The following SMYD2 variants were observed in gnomAD, a reference collection of about 807,000 sequenced individuals.
SMYD2 encodes SET and MYND domain containing 2, also known as N-lysine methyltransferase SMYD2.
In SMYD2, 53 loss-of-function variants were observed where a neutral mutation model predicts 59.1. The ratio of observed to expected loss-of-function variants is 0.90; its 90% CI spans 0.72 to 1.13. The LOEUF is 1.13. Ranked by LOEUF, SMYD2 falls within the 50% of genes most tolerant of loss-of-function variation. The pLI, the probability that SMYD2 is intolerant of heterozygous loss-of-function variation, is 0.00. For missense variants in SMYD2, 494 were observed against 544.7 expected (o/e 0.91, Z 0.93); for synonymous variants, 208 against 198.8 (o/e 1.05, Z -0.39).
At chr1:214,300,578 A>C (rs1239450468) in intron 1 of SMYD2, among the ~76,000 whole-genome samples, 10 of 152,174 alleles carry the variant, frequency 6.6e-5, no homozygotes, top group Admixed American at 4.6e-4. Flanking sequence ...GACCAGAGTA[A>C]AGCATGCCTC....
intron 5 of SMYD2, 24 bp from the exon 6 acceptor site, chr1:214,324,617 C>G (rs749875569): frequency 6.3e-7 from 1 of 1,584,866 alleles, no homozygotes; most frequent in South Asian, 1.2e-5. Flanking sequence ...CATTTTTTTC[C>G]TTTCTCCCTT....
chr1:214,311,162 A>G, intron 2 of SMYD2, among the ~76,000 whole-genome samples: 1 of 152,220 alleles, frequency 6.6e-6, no homozygotes, highest in East Asian at 1.9e-4. Context: ...TTGAAGTCAA[A>G]GACTTCATCT....
Position 214,322,950 on chromosome 1 carries a change from A to G in SMYD2, c.535-1691A>G, listed in dbSNP as rs372655721. Among the ~76,000 whole-genome samples the G allele has an allele frequency of 1.7e-3, 256 of 152,278 alleles. 14 individuals carry two copies. The South Asian group carries it at 0.048, about 29-fold the overall frequency. Reference sequence around the variant, plus strand: ...TTTACAAAGCCCATCTGTTGGCCTGAATTGTAACAGTGCAGTGTCCCCAAG... The same window carrying G: ...TTTACAAAGCCCATCTGTTGGCCTGGATTGTAACAGTGCAGTGTCCCCAAG... On this transcript the variant is annotated intron_variant, in intron 5 of 11. Coordinates refer to ENST00000366957, the MANE Select transcript of SMYD2 (RefSeq NM_020197.3).
chr1:214,299,465 T>TTTTATATATATATATATATATA (rs1553254477), intron 1 of SMYD2, among the ~76,000 whole-genome samples: 2 of 71,612 alleles, frequency 2.8e-5, no homozygotes, highest in Non-Finnish European at 5.9e-5. Context: ...AAAGAAAACA[T>TTTTATATATATATATATATATA]TATATATATA....
intron 11 of SMYD2, 121 bp downstream of exon 11, chr1:214,334,429 C>G: frequency 1.1e-6 from 1 of 894,986 alleles, no homozygotes; most frequent in Non-Finnish European, 1.8e-6. Flanking sequence ...CTCACCCACC[C>G]TCTTGCCGTG....
rs769869041 is a variant in SMYD2 at position 214,324,711 on chromosome 1, A to G, written c.602+3A>G. On this transcript the variant is annotated splice_donor_region_variant and intron_variant, in intron 6 of 11. Transcript: ENST00000366957. ...TTGGGATCAGCGATATTTCCTGAGT[A>G]GGCTGTGTTTGACTTCATTTCTTTC... is the stretch of plus-strand genomic sequence containing the variant. The G allele has an allele frequency of 6.2e-7, 1 of 1,610,644 alleles. No homozygotes were observed. Among genetic ancestry groups the G allele is most frequent in the South Asian group, 1.1e-5 (1 of 89,998 alleles).
intron 2 of SMYD2, among the ~76,000 whole-genome samples, chr1:214,310,032 T>A (rs1408894324): frequency 1.3e-5 from 2 of 152,202 alleles, no homozygotes; most frequent in African/African-American, 2.4e-5. Context: ...AGGCTGTGTT[T>A]GTTGTTAGAA....
intron 2 of SMYD2, among the ~76,000 whole-genome samples, chr1:214,306,137 G>C (rs887176136): frequency 6.6e-6 from 1 of 152,012 alleles, no homozygotes; most frequent in Admixed American, 6.6e-5. Flanking sequence ...GCTGTTAAAG[G>C]GTGGCTCTAC....
At chr1:214,287,864 A>G (rs1038459161) in intron 1 of SMYD2, among the ~76,000 whole-genome samples, 1 of 152,236 alleles carries the variant, frequency 6.6e-6, no homozygotes, top group Non-Finnish European at 1.5e-5. Flanking sequence ...TCCACATTGC[A>G]AGGATATCAG....
intron 5 of SMYD2, among the ~76,000 whole-genome samples, chr1:214,323,250 G>C (rs918633397): frequency 6.6e-6 from 1 of 152,118 alleles, no homozygotes; most frequent in East Asian, 1.9e-4. Context: ...CAGCCTGTTT[G>C]TCTTTCTGTT....
At chr1:214,313,208 C>T (rs1657027476) in intron 2 of SMYD2, among the ~76,000 whole-genome samples, 2 of 152,126 alleles carry the variant, frequency 1.3e-5, no homozygotes, top group African/African-American at 4.8e-5. Context: ...CCTCTGCCTC[C>T]TGGGTTCAAG....
chr1:214,288,546 T>G (rs1219548958), intron 1 of SMYD2, among the ~76,000 whole-genome samples: 1 of 152,224 alleles, frequency 6.6e-6, no homozygotes, highest in African/African-American at 2.4e-5. Context: ...GACTGGGGGC[T>G]TAATCCGTCT....
chr1:214,327,691 C>T lies in SMYD2; in HGVS notation c.672C>T (p.Val224=), dbSNP rs1384472836. The part of the protein sequence containing the change: ...IVTYKGTLAE[V]RAVQEIKPGE... Reference sequence around the variant, plus strand: ...CCTACAAAGGGACCCTGGCAGAAGTCAGAGCTGTACAGGAAATCAAGCCGG... The same window carrying T: ...CCTACAAAGGGACCCTGGCAGAAGTTAGAGCTGTACAGGAAATCAAGCCGG... The change falls in exon 7 of 12, where the codon GTC becomes GTT. Residue 224 remains valine, a synonymous_variant. Coordinates refer to ENST00000366957, the MANE Select transcript of SMYD2 (RefSeq NM_020197.3). 1 of 1,614,146 alleles carries T rather than the reference C, an allele frequency of 6.2e-7. No homozygotes were observed. The highest frequency in any genetic ancestry group is 8.5e-7 in the Non-Finnish European group (1 of 1,180,018).
intron 5 of SMYD2, among the ~76,000 whole-genome samples, chr1:214,322,692 A>G (rs568249503): frequency 2.0e-5 from 3 of 152,348 alleles, no homozygotes; most frequent in African/African-American, 7.2e-5. Context: ...TGAAGAAACC[A>G]GAGTTGCTGT....
Position 214,330,195 on chromosome 1 carries a change from T to C in SMYD2, c.733T>C (p.Tyr245His), listed in dbSNP as rs1314856700. 2 of 1,613,358 alleles carry C rather than the reference T, an allele frequency of 1.2e-6. No individual in the cohort carries two copies. The highest frequency in any genetic ancestry group is 1.7e-6 in the Non-Finnish European group (2 of 1,179,544). ...EVFTSYIDLLYPTEDRNDRLR... is the reference protein window; with the variant it reads ...EVFTSYIDLLHPTEDRNDRLR... ...TTTTACCAGCTATATTGATCTCCTGTACCCAACGGAAGATAGAAATGACCG... is the reference window on the plus strand; with the variant it reads ...TTTTACCAGCTATATTGATCTCCTGCACCCAACGGAAGATAGAAATGACCG... Residue 245 changes from tyrosine to histidine, a missense_variant, in exon 8 of 12, where the codon TAC (tyrosine) becomes CAC (histidine). Physicochemically the swap from Tyr to His is moderately conservative, Grantham distance 83 (BLOSUM62 2). Coordinates refer to ENST00000366957, the MANE Select transcript of SMYD2 (RefSeq NM_020197.3).
chr1:214,314,592 C>CTAGA (rs1289610333), intron 2 of SMYD2, among the ~76,000 whole-genome samples, 170 bp from the exon 3 acceptor site: 3 of 152,204 alleles, frequency 2.0e-5, no homozygotes, highest in African/African-American at 7.2e-5. Context: ...ACAATCCTGC[C>CTAGA]TATCTTAAAG....
intron 1 of SMYD2, among the ~76,000 whole-genome samples, chr1:214,297,931 T>C (rs1656760643): frequency 6.6e-6 from 1 of 152,186 alleles, no homozygotes; most frequent in South Asian, 2.1e-4. Context: ...AAACATTCCA[T>C]TCTCATGGAT....
At chr1:214,326,799 A>G (rs1571933409) in intron 6 of SMYD2, among the ~76,000 whole-genome samples, 2 of 152,276 alleles carry the variant, frequency 1.3e-5, no homozygotes, top group East Asian at 3.9e-4. Flanking sequence ...CACCAGAGCA[A>G]TGACACACAT....
intron 1 of SMYD2, among the ~76,000 whole-genome samples, chr1:214,292,576 G>A (rs768292113): frequency 1.1e-4 from 16 of 152,116 alleles, no homozygotes; most frequent in Non-Finnish European, 1.3e-4. Context: ...AAATATTTGC[G>A]AAATATATTA....
Sources: allele counts gnomAD v4.1 joint callset (sites outside exome capture counted in the v4.1 genomes callset), GRCh38; gene constraint gnomAD v4.1.1; transcripts MANE v1.5; gene names NCBI Gene and HGNC (gene_info 2026-07-23, HGNC 2026-07-21).